The following TMPRSS15 variants were observed in gnomAD, a reference collection of about 807,000 sequenced individuals.
TMPRSS15 encodes enteropeptidase.
TMPRSS15 carries 128 observed loss-of-function variants against 125.3 expected under a neutral mutation model. The observed-to-expected ratio is 1.02, with a 90% CI of 0.89 to 1.18. The LOEUF (loss-of-function observed/expected upper bound fraction) is 1.18, where lower values mean the gene tolerates loss of function less well. TMPRSS15 is among the 50% of genes most tolerant of loss of function. The probability of loss-of-function intolerance (pLI) is 0.00; values close to 1 mark genes in which losing one functional copy is unlikely to be tolerated. For synonymous variants in TMPRSS15, 446 were observed against 423.2 expected (o/e 1.05, Z -0.66); for missense variants, 1,283 against 1,212.7 (o/e 1.06, Z -0.86).
chr21:18,395,058 C>T (rs568994263), intron 3 of TMPRSS15, among the ~76,000 whole-genome samples: 1 of 152,058 alleles, frequency 6.6e-6, no homozygotes, highest in South Asian at 2.1e-4. Flanking sequence ...AACACTTTAA[C>T]CTACACAACT....
Position 18,383,642 on chromosome 21 carries a change from T to C in TMPRSS15, c.481A>G (p.Ser161Gly), listed in dbSNP as rs771344271. The C allele has an allele frequency of 3.7e-6, 6 of 1,613,854 alleles. No homozygotes were observed. Among genetic ancestry groups the C allele is most frequent in the Non-Finnish European group, 5.1e-6 (6 of 1,179,914 alleles). ...TCACACATACCTAGGATATCAACGCTGTTCAAATCAATATGGAAAGTGACC... is the reference window on the plus strand; with the variant it reads ...TCACACATACCTAGGATATCAACGCCGTTCAAATCAATATGGAAAGTGACC... ...QLVTFHIDLN[S>G]VDILDKLTTT... The change falls in exon 4 of 25, where the codon AGC becomes GGC. Residue 161 changes from serine to glycine, a missense_variant. Transcript: ENST00000284885.
At chr21:18,463,526 G>A (rs2122953919) in intron 1 of TMPRSS15, among the ~76,000 whole-genome samples, 3 of 151,924 alleles carry the variant, frequency 2.0e-5, no homozygotes, top group East Asian at 1.9e-4. Flanking sequence ...CCCCACTGTC[G>A]CTATTAGAGA....
chr21:18,325,237 CATT>C (rs771517643), intron 16 of TMPRSS15, among the ~76,000 whole-genome samples: 6 of 51,810 alleles, frequency 1.2e-4, no homozygotes, highest in Non-Finnish European at 2.5e-4. Flanking sequence ...AGTATTTACT[CATT>C]GTTTTTTATT....
chr21:18,352,814 C>A, intron 10 of TMPRSS15, 89 bp downstream of exon 10: 1 of 1,341,720 alleles, frequency 7.5e-7, no homozygotes, highest in Non-Finnish European at 1.1e-6. Context: ...TTTAATACTG[C>A]TCACTTTACA....
intron 18 of TMPRSS15, among the ~76,000 whole-genome samples, chr21:18,300,552 C>A (rs750365656): frequency 3.3e-5 from 5 of 151,512 alleles, no homozygotes; most frequent in Non-Finnish European, 7.4e-5. Flanking sequence ...ACTATGTTGG[C>A]CAGGCTAGTC....
At chr21:18,406,313 TG>T (rs1394359281), upstream of TMPRSS15, among the ~76,000 whole-genome samples, 2 of 152,192 alleles carry the variant, frequency 1.3e-5, no homozygotes, top group Non-Finnish European at 2.9e-5. Flanking sequence ...GGTTAGCTTC[TG>T]GGACGTCAAG....
intron 1 of TMPRSS15, among the ~76,000 whole-genome samples, chr21:18,437,353 A>T (rs537381886): frequency 2.5e-4 from 38 of 152,278 alleles, no homozygotes; most frequent in Admixed American, 1.4e-3. Flanking sequence ...TAAACGTTAG[A>T]CCTAAAACCA....
chr21:18,288,770 C>A (rs10222197), intron 21 of TMPRSS15, among the ~76,000 whole-genome samples: 5 of 151,360 alleles, frequency 3.3e-5, no homozygotes, highest in Non-Finnish European at 7.4e-5. Context: ...CTCAAACTCC[C>A]GAGCTCAGGC....
At chr21:18,447,192 C>T (rs527696030) in intron 1 of TMPRSS15, among the ~76,000 whole-genome samples, 6 of 151,798 alleles carry the variant, frequency 4.0e-5, no homozygotes, top group Admixed American at 3.9e-4. Flanking sequence ...ACGCCTGTAA[C>T]CCCAGCACTT....
At chr21:18,287,424 G>C (rs1469179352) in intron 21 of TMPRSS15, among the ~76,000 whole-genome samples, 1 of 151,952 alleles carries the variant, frequency 6.6e-6, no homozygotes, top group African/African-American at 2.4e-5. Flanking sequence ...AATGTTTAGA[G>C]TCTCAAACTC....
chr21:18,387,057 C>T (rs1284629943), intron 3 of TMPRSS15, among the ~76,000 whole-genome samples: 1 of 152,130 alleles, frequency 6.6e-6, no homozygotes, highest in East Asian at 1.9e-4. Context: ...CCTATATCCA[C>T]ATAAAGTTGT....
At chr21:18,445,026 T>C (rs2076251989) in intron 1 of TMPRSS15, among the ~76,000 whole-genome samples, 1 of 152,182 alleles carries the variant, frequency 6.6e-6, no homozygotes, top group South Asian at 2.1e-4. Context: ...TAAATAGTTT[T>C]GCAACAAGCT....
chr21:18,370,848 G>A (rs933066091), intron 6 of TMPRSS15, among the ~76,000 whole-genome samples: 13 of 152,042 alleles, frequency 8.6e-5, no homozygotes, highest in African/African-American at 2.9e-4. Context: ...AACTTTGGTC[G>A]TTATTAGAAT....
intron 18 of TMPRSS15, among the ~76,000 whole-genome samples, chr21:18,305,460 T>C (rs532344288): frequency 5.3e-5 from 8 of 152,174 alleles, no homozygotes; most frequent in Admixed American, 5.2e-4. Flanking sequence ...AGTGCTGGGA[T>C]TACAGGCGTG....
At chr21:18,297,036 A>T (rs986150498) in intron 19 of TMPRSS15, among the ~76,000 whole-genome samples, 1 of 152,210 alleles carries the variant, frequency 6.6e-6, no homozygotes, top group East Asian at 1.9e-4. Context: ...TTGCAGTTAC[A>T]TTCTTCCCAC....
intron 1 of TMPRSS15, among the ~76,000 whole-genome samples, chr21:18,412,202 T>C (rs189336060): frequency 3.1e-3 from 476 of 152,322 alleles, no homozygotes; most frequent in African/African-American, 0.011. Context: ...ATAATCCCAG[T>C]GCCCAGAGGT....
chr21:18,317,326 A>T (rs1172927000), intron 16 of TMPRSS15, among the ~76,000 whole-genome samples: 1 of 152,076 alleles, frequency 6.6e-6, no homozygotes, highest in Admixed American at 6.6e-5. Context: ...TGAAAAAAAT[A>T]CCAAAAGTAG....
chr21:18,453,616 G>A (rs1381779176), intron 1 of TMPRSS15, among the ~76,000 whole-genome samples: 1 of 152,110 alleles, frequency 6.6e-6, no homozygotes, highest in East Asian at 1.9e-4. Flanking sequence ...ATTAAAAATA[G>A]AACTACTGTA....
chr21:18,311,368 A>G (rs1209982045), intron 18 of TMPRSS15, among the ~76,000 whole-genome samples: 1 of 152,194 alleles, frequency 6.6e-6, no homozygotes, highest in Non-Finnish European at 1.5e-5. Flanking sequence ...GAATATATAA[A>G]GAGCTCAAAC....
Sources: gnomAD v4.1 joint callset for allele counts (sites outside exome capture counted in the v4.1 genomes callset) on GRCh38, gnomAD v4.1.1 for gene constraint, MANE v1.5 for transcripts, NCBI Gene and HGNC (gene_info 2026-07-23, HGNC 2026-07-21) for gene names.